NASP: variants seen among roughly 807,000 people sequenced by gnomAD.
NASP encodes the protein nuclear autoantigenic sperm protein.
Under a neutral mutation model 89.5 loss-of-function variants are expected in NASP, and 24 were observed. The observed-to-expected ratio is 0.27, with a 90% CI of 0.19 to 0.38. NASP has a LOEUF of 0.38. Among genes scored for constraint, NASP ranks in the 10% least tolerant of loss-of-function variants. NASP has a pLI of 1.00. For missense variants in NASP, 848 were observed against 921.4 expected (o/e 0.92, Z 1.03); for synonymous variants, 306 against 324.7 (o/e 0.94, Z 0.62).
chr1:45,593,839 C>T (rs1570958414), intron 2 of NASP, among the ~76,000 whole-genome samples: 1 of 146,142 alleles, frequency 6.8e-6, no homozygotes. Flanking sequence ...GGCAACATAG[C>T]AAGACGCCAT....
chr1:45,618,836 C>CA lies in NASP; in HGVS notation c.*696dup, dbSNP rs1251186212. On this transcript the variant is annotated 3_prime_UTR_variant, in exon 15 of 15. Coordinates refer to ENST00000350030, the MANE Select transcript of NASP (RefSeq NM_002482.4). ...GTATAGAAAGGTTGAGATATATCAA[C>CA]ACTTGGAATTGTTACCCATCTGCAG... 6.6e-6 allele frequency: 1 copy of CA among 152,188 alleles called. No homozygotes were observed. The highest frequency in any genetic ancestry group is 2.4e-5 in the African/African-American group (1 of 41,436). 9.4% of individuals were successfully genotyped at this position (152,188 alleles called of 1,614,324 possible).
intron 1 of NASP, among the ~76,000 whole-genome samples, chr1:45,584,849 T>C (rs1467803800): frequency 6.6e-6 from 1 of 152,252 alleles, no homozygotes; most frequent in African/African-American, 2.4e-5. Flanking sequence ...GCGAGGCTAG[T>C]TCCCCCCGAC....
intron 3 of NASP, among the ~76,000 whole-genome samples, chr1:45,602,844 G>A (rs989292356): frequency 1.3e-5 from 2 of 152,050 alleles, no homozygotes; most frequent in African/African-American, 2.4e-5. Flanking sequence ...GGCTGGTCTC[G>A]AACTCTTGGG....
At chr1:45,599,953 A>ATTTTTTTTTTTTTTTTTTTTT (rs11302173) in intron 2 of NASP, among the ~76,000 whole-genome samples, 2 of 79,074 alleles carry the variant, frequency 2.5e-5, no homozygotes, top group African/African-American at 5.1e-5. Context: ...TTTCCTCTGT[A>ATTTTTTTTTTTTTTTTTTTTT]TTTTTTTTTT....
intron 1 of NASP, among the ~76,000 whole-genome samples, chr1:45,586,720 A>G (rs2148324524): frequency 6.6e-6 from 1 of 152,316 alleles, no homozygotes; most frequent in South Asian, 2.1e-4. Flanking sequence ...CCTCATGTTT[A>G]AGGGTAGGAT....
chr1:45,609,293 G>A (rs966072885), intron 6 of NASP: 2 of 152,078 alleles, frequency 1.3e-5, no homozygotes, highest in Non-Finnish European at 2.9e-5. Flanking sequence ...AAGAGTTCTC[G>A]TAAGTTTTAG....
chr1:45,586,162 G>T (rs1644531043), intron 1 of NASP, among the ~76,000 whole-genome samples: 1 of 151,950 alleles, frequency 6.6e-6, no homozygotes, highest in Non-Finnish European at 1.5e-5. Context: ...GGTGTGTGGG[G>T]GTGGGGGGGC....
intron 2 of NASP, among the ~76,000 whole-genome samples, chr1:45,596,963 A>G (rs1430231655): frequency 1.3e-5 from 2 of 151,902 alleles, no homozygotes; most frequent in East Asian, 1.9e-4. Context: ...AGCCTGGGCA[A>G]TAGAGTGAGA....
intron 3 of NASP, among the ~76,000 whole-genome samples, chr1:45,602,682 C>T (rs1643867992): frequency 6.6e-6 from 1 of 152,060 alleles, no homozygotes; most frequent in Non-Finnish European, 1.5e-5. Flanking sequence ...GGGTCTCTGT[C>T]ACCCAGGCTG....
intron 2 of NASP, among the ~76,000 whole-genome samples, chr1:45,601,581 C>A (rs1643844641): frequency 6.6e-6 from 1 of 151,952 alleles, no homozygotes; most frequent in Admixed American, 6.6e-5. Context: ...CTGCCTCTTG[C>A]CCTGTTTACC....
Position 45,614,329 on chromosome 1 carries a change from G to C in NASP, c.1629G>C (p.Gln543His). 1 of 1,614,048 alleles carries C rather than the reference G, an allele frequency of 6.2e-7. No homozygotes were observed. The highest frequency in any genetic ancestry group is 8.5e-7 in the Non-Finnish European group (1 of 1,179,936). ...AAGAAGCACAGCTTTATGCTGCCCA[G>C]GCACATCTTAAACTCGGAGAAGTTA... ...ETKEAQLYAA[Q>H]AHLKLGEVSV... Residue 543 changes from glutamine to histidine, a missense_variant, in exon 9 of 15, where the codon CAG (glutamine) becomes CAC (histidine). Physicochemically the swap from Gln to His is conservative, Grantham distance 24. Coordinates refer to ENST00000350030, the MANE Select transcript of NASP (RefSeq NM_002482.4).
intron 6 of NASP, among the ~76,000 whole-genome samples, chr1:45,608,912 T>G (rs765441737): frequency 6.6e-6 from 1 of 152,136 alleles, no homozygotes; most frequent in African/African-American, 2.4e-5. Flanking sequence ...CTTTAAGTCT[T>G]CAGGAAGTGT....
intron 13 of NASP, 21 bp from the exon 14 acceptor site, chr1:45,617,442 C>A (rs915328952): frequency 1.2e-6 from 2 of 1,603,916 alleles, no homozygotes; most frequent in Non-Finnish European, 1.7e-6. Context: ...ATTTGTGAAG[C>A]CTTCACAATT....
intron 3 of NASP, among the ~76,000 whole-genome samples, chr1:45,603,598 T>G (rs1391925991): frequency 1.4e-5 from 2 of 140,214 alleles, no homozygotes; most frequent in East Asian, 2.1e-4. Context: ...TCTGGTAGTA[T>G]TTAGAGATTT....
rs1644110557 is a variant in NASP, at chr1:45,616,663, C to T, written c.2117C>T (p.Ser706Leu). The T allele has an allele frequency of 1.2e-6, 2 of 1,614,044 alleles. No individual in the cohort carries two copies. The highest frequency in any genetic ancestry group is 2.7e-5 in the African/African-American group (2 of 74,944). ...SRKPTDGASSSNCVTDISHLV... is the reference protein window; with the variant it reads ...SRKPTDGASSLNCVTDISHLV... The stretch of plus-strand genomic sequence containing the variant: ...AAGCCAACAGACGGTGCTTCCTCAT[C>T]AAATTGTGTGACTGATATTTCCCAC... Residue 706 changes from serine to leucine, a missense_variant, in exon 13 of 15, where the codon TCA (serine) becomes TTA (leucine). By Grantham distance (145) the Ser-to-Leu change is moderately radical. Transcript: ENST00000350030.
Position 45,614,891 on chromosome 1 carries a change from A to G in NASP, c.1667-122A>G, listed in dbSNP as rs1234492790. On this transcript the variant is annotated intron_variant, in intron 9 of 14. Coordinates refer to ENST00000350030, the MANE Select transcript of NASP (RefSeq NM_002482.4). Reference sequence around the variant, plus strand: ...TTCTTTATAGCCAAGGGTCCTGGAAATAACTATAAACAAAAATGGAATGTT... The same window carrying G: ...TTCTTTATAGCCAAGGGTCCTGGAAGTAACTATAAACAAAAATGGAATGTT... 3 of 877,960 alleles carry G rather than the reference A, an allele frequency of 3.4e-6. No individual in the cohort carries two copies. In the East Asian group the frequency reaches 8.0e-5, roughly 23 times the overall value. The allele number at this position is 877,960 out of a possible 1,614,324, so 54.4% of individuals were successfully genotyped here.
chr1:45,592,828 T>G (rs1351508611), intron 2 of NASP: 1 of 152,226 alleles, frequency 6.6e-6, no homozygotes, highest in East Asian at 1.9e-4. Context: ...AATACATTTT[T>G]TAAGCGTCCA....
At chr1:45,605,148 T>C in intron 4 of NASP, 132 bp downstream of exon 4, 1 of 703,894 alleles carries the variant, frequency 1.4e-6, no homozygotes. Flanking sequence ...TGATGGAAGT[T>C]GTGAATGGCA....
Position 45,608,015 on chromosome 1 carries a change from G to A in NASP, c.1104G>A (p.Gly368=), listed in dbSNP as rs1317769304. 6.2e-7 allele frequency: 1 copy of A among 1,614,052 alleles called. No individual in the cohort carries two copies. The highest frequency in any genetic ancestry group is 1.7e-5 in the Admixed American group (1 of 60,012). Residue 368 remains glycine (G), a synonymous_variant, in exon 6 of 15, where the codon GGG becomes GGA. Transcript: ENST00000350030. Reference sequence around the variant, plus strand: ...GATCAGAAGTCTCTGAAAAGCCTGGGCAGGAGGCTCCAGTTCTCCCTAAGG... The same window carrying A: ...GATCAGAAGTCTCTGAAAAGCCTGGACAGGAGGCTCCAGTTCTCCCTAAGG... ...EAGSEVSEKP[G]QEAPVLPKDG...
Sources: gnomAD v4.1 joint callset for allele counts (sites outside exome capture counted in the v4.1 genomes callset) on GRCh38, gnomAD v4.1.1 for gene constraint, MANE v1.5 for transcripts, NCBI Gene and HGNC (gene_info 2026-07-23, HGNC 2026-07-21) for gene names.